ATP8A1: variants seen among roughly 807,000 people sequenced by gnomAD.
ATP8A1 encodes ATPase phospholipid transporting 8A1, also known as phospholipid-transporting ATPase IA.
A neutral mutation model predicts 177.7 loss-of-function variants in ATP8A1; 90 were observed. The ratio of observed to expected loss-of-function variants is 0.51; its 90% confidence interval spans 0.43 to 0.60. The LOEUF (loss-of-function observed/expected upper bound fraction) is 0.60. Ranked by LOEUF, ATP8A1 falls within the 20% of genes least tolerant of loss-of-function variation. The pLI, the probability that ATP8A1 is intolerant of heterozygous loss-of-function variation, is 0.00. For missense variants in ATP8A1, 1,072 were observed against 1,392.8 expected, an observed-to-expected ratio of 0.77 and a Z score of 3.67; for synonymous variants, 493 against 485.9, an observed-to-expected ratio of 1.01 and a Z score of -0.19.
At chr4:42,628,914 A>C (rs893268760) in intron 1 of ATP8A1, among the ~76,000 whole-genome samples, 1 of 152,124 alleles carries the variant, frequency 6.6e-6, no homozygotes, top group African/African-American at 2.4e-5. Flanking sequence ...TGTTGTATCT[A>C]CTTTATGTAA....
intron 25 of ATP8A1, among the ~76,000 whole-genome samples, chr4:42,481,948 T>C (rs1459202044): frequency 6.6e-6 from 1 of 152,138 alleles, no homozygotes; most frequent in Non-Finnish European, 1.5e-5. Context: ...ATTAGATGCA[T>C]TCAGGTTATG....
intron 15 of ATP8A1, among the ~76,000 whole-genome samples, chr4:42,558,454 A>C (rs1209080321): frequency 6.6e-6 from 1 of 152,248 alleles, no homozygotes; most frequent in Non-Finnish European, 1.5e-5. Context: ...ACAATGTCAT[A>C]TAATTTGCAG....
intron 27 of ATP8A1, among the ~76,000 whole-genome samples, chr4:42,460,040 C>T (rs908964242): frequency 2.0e-5 from 3 of 152,200 alleles, no homozygotes; most frequent in Non-Finnish European, 4.4e-5. Flanking sequence ...ATCCACCCCC[C>T]TCGGCCTCCC....
At chr4:42,625,590 CAAG>C in intron 3 of ATP8A1, 21 bp downstream of exon 3, 1 of 1,499,898 alleles carries the variant, frequency 6.7e-7, no homozygotes, top group South Asian at 1.2e-5. Flanking sequence ...GAACATTTGA[CAAG>C]GTTTTATGAC....
intron 21 of ATP8A1, among the ~76,000 whole-genome samples, chr4:42,523,993 G>T (rs886853751): frequency 6.6e-6 from 1 of 152,144 alleles, no homozygotes; most frequent in African/African-American, 2.4e-5. Flanking sequence ...AACAGTTCCA[G>T]CTGAAACAGA....
In ATP8A1 at chr4:42,577,000, A is replaced by C. The variant is rs989726696; in HGVS notation, c.1128+1260T>G. Among the ~76,000 whole-genome samples the C allele has an allele frequency of 1.2e-4, 19 of 152,362 alleles. No homozygotes were observed. The South Asian group carries it at 3.9e-3, about 32-fold the overall frequency. Reference sequence around the variant, plus strand: ...ACCAGAATCAAAGGAAGACAGTTATAATCTCATTTTCACACAAGAAAGTTG... The same window carrying C: ...ACCAGAATCAAAGGAAGACAGTTATCATCTCATTTTCACACAAGAAAGTTG... On this transcript the variant is annotated intron_variant, in intron 12 of 36. Transcript: ENST00000381668.
At position 42,411,335 on chromosome 4, in the gene ATP8A1, C is replaced by T. The variant is rs1039173824; in HGVS notation, c.*1581G>A. ...GAAAAGAATGTGAAAATATTAAACT[C>T]GAGAAGCGATCTGAAAAAAAATCAC... On this transcript the variant is annotated 3_prime_UTR_variant, in exon 37 of 37. Coordinates refer to ENST00000381668, the MANE Select transcript of ATP8A1 (RefSeq NM_006095.2). 2.0e-5 allele frequency: 3 copies of T among 151,992 alleles called. No individual in the cohort carries two copies. Among genetic ancestry groups the T allele is most frequent in the Non-Finnish European group, 4.4e-5 (3 of 67,994 alleles). The allele number at this position is 151,992 out of a possible 1,614,324, so 9.4% of individuals were successfully genotyped here.
intron 1 of ATP8A1, among the ~76,000 whole-genome samples, chr4:42,634,175 T>C (rs970372596): frequency 3.3e-5 from 5 of 152,206 alleles, no homozygotes; most frequent in Non-Finnish European, 7.3e-5. Flanking sequence ...AGTGGATGCA[T>C]ACATTATACT....
Position 42,482,893 on chromosome 4 carries a change from G to A in ATP8A1, c.2324+2603C>T, listed in dbSNP as rs191254109. Among the ~76,000 whole-genome samples, 25 of 152,234 alleles carry A rather than the reference G, an allele frequency of 1.6e-4. No homozygotes were observed. The East Asian group carries it at 4.8e-3, about 29-fold the overall frequency. ...ATTGGAAAATAGTTTAAATTTGAGAGAAAAGCCCATAAAGCCAGTATGAAC... is the reference window on the plus strand; with the variant it reads ...ATTGGAAAATAGTTTAAATTTGAGAAAAAAGCCCATAAAGCCAGTATGAAC... On this transcript the variant is annotated intron_variant, in intron 25 of 36. Coordinates refer to ENST00000381668, the MANE Select transcript of ATP8A1 (RefSeq NM_006095.2).
chr4:42,591,426 T>G (rs1281980413), intron 6 of ATP8A1, among the ~76,000 whole-genome samples: 1 of 152,158 alleles, frequency 6.6e-6, no homozygotes, highest in African/African-American at 2.4e-5. Flanking sequence ...CTTACTAACT[T>G]TAATGCAAAG....
intron 22 of ATP8A1, among the ~76,000 whole-genome samples, chr4:42,520,590 G>T (rs1198018529): frequency 6.6e-6 from 1 of 152,052 alleles, no homozygotes; most frequent in Admixed American, 6.6e-5. Flanking sequence ...GGGAAGATAG[G>T]CAAGAGAGAC....
At chr4:42,547,464 C>G (rs2153208810) in intron 19 of ATP8A1, among the ~76,000 whole-genome samples, 1 of 152,284 alleles carries the variant, frequency 6.6e-6, no homozygotes, top group Non-Finnish European at 1.5e-5. Flanking sequence ...CCTGAAAGAA[C>G]AGAAACTCCC....
intron 33 of ATP8A1, among the ~76,000 whole-genome samples, chr4:42,443,142 G>T (rs975411884): frequency 2.6e-5 from 4 of 152,194 alleles, no homozygotes; most frequent in Non-Finnish European, 5.9e-5. Context: ...ATTTAATCTA[G>T]TGACAGCAGA....
rs1299133220 is a variant in ATP8A1 at position 42,624,572 on chromosome 4, T to C, written c.327A>G (p.Leu109=). Residue 109 remains leucine, a synonymous_variant, in exon 4 of 37, where the codon TTA becomes TTG. Transcript: ENST00000381668. The part of the protein sequence containing the change: ...YTTLVPLLFI[L]AVAAIKEIIE... ...TTATCTCTTTGATAGCTGCCACAGCTAAAATAAATAAGAGAGGAACCAGTG... is the reference window on the plus strand; with the variant it reads ...TTATCTCTTTGATAGCTGCCACAGCCAAAATAAATAAGAGAGGAACCAGTG... 1.3e-6 allele frequency: 2 copies of C among 1,503,328 alleles called. No homozygotes were observed. The highest frequency in any genetic ancestry group is 8.9e-7 in the Non-Finnish European group (1 of 1,125,584). 93.1% of individuals were successfully genotyped at this position (1,503,328 alleles called of 1,614,324 possible).
intron 1 of ATP8A1, among the ~76,000 whole-genome samples, chr4:42,635,810 T>TATATATATATACAC (rs1305090729): frequency 7.7e-5 from 8 of 103,900 alleles, no homozygotes; most frequent in African/African-American, 4.2e-4. Flanking sequence ...TATATATATA[T>TATATATATATACAC]ACACATGTAT....
intron 29 of ATP8A1, among the ~76,000 whole-genome samples, chr4:42,455,041 TTGCTGCCTTACA>T (rs1284555942): frequency 2.0e-5 from 3 of 152,174 alleles, no homozygotes; most frequent in East Asian, 3.9e-4. Flanking sequence ...GCCAGCTTTA[TTGCTGCCTTACA>T]AACCCAAGTG....
At chr4:42,416,696 T>C (rs1356189365) in intron 35 of ATP8A1, among the ~76,000 whole-genome samples, 4 of 152,182 alleles carry the variant, frequency 2.6e-5, no homozygotes, top group Non-Finnish European at 4.4e-5. Flanking sequence ...CAAGCTTTTC[T>C]CTGTCATCTC....
chr4:42,502,977 C>T (rs1231046673), intron 24 of ATP8A1, among the ~76,000 whole-genome samples: 3 of 152,086 alleles, frequency 2.0e-5, no homozygotes, highest in African/African-American at 7.2e-5. Flanking sequence ...AAAAGACATC[C>T]TAGGGATTTA....
chr4:42,439,480 G>T (rs191110379), intron 33 of ATP8A1, among the ~76,000 whole-genome samples: 7 of 152,166 alleles, frequency 4.6e-5, no homozygotes, highest in African/African-American at 1.7e-4. Context: ...TCTAAAACAC[G>T]GAAGCAAGCA....
Sources: allele counts gnomAD v4.1 joint callset (sites outside exome capture counted in the v4.1 genomes callset), GRCh38; gene constraint gnomAD v4.1.1; transcripts MANE v1.5; gene names NCBI Gene and HGNC (gene_info 2026-07-23, HGNC 2026-07-21).